Variants in ERBB4 observed in about 807,000 individuals in gnomAD.
The protein encoded by ERBB4 is receptor tyrosine-protein kinase erbB-4.
ERBB4 carries 42 observed loss-of-function variants against 158.0 expected under a neutral mutation model. The ratio of observed to expected loss-of-function variants is 0.27; its 90% confidence interval spans 0.21 to 0.34. The LOEUF (loss-of-function observed/expected upper bound fraction) is 0.34. Among genes scored for constraint, ERBB4 ranks in the 10% least tolerant of loss-of-function variants. The pLI is 1.00. For missense variants in ERBB4, 1,333 were observed against 1,624.1 expected (o/e 0.82, Z 3.08); for synonymous variants, 583 against 558.7 (o/e 1.04, Z -0.61).
At chr2:211,846,021 A>AT (rs1341993093) in intron 3 of ERBB4, among the ~76,000 whole-genome samples, 10 of 149,402 alleles carry the variant, frequency 6.7e-5, no homozygotes, top group African/African-American at 2.0e-4. Flanking sequence ...ATAACTGACA[A>AT]TTTTTTTCAA....
chr2:211,521,382 C>A (rs867914304), intron 20 of ERBB4, among the ~76,000 whole-genome samples: 1 of 152,084 alleles, frequency 6.6e-6, no homozygotes, highest in African/African-American at 2.4e-5. Flanking sequence ...AATAGCAAGG[C>A]CTTAATTCTA....
intron 1 of ERBB4, among the ~76,000 whole-genome samples, chr2:212,485,291 G>T (rs1331879590): frequency 6.6e-6 from 1 of 152,122 alleles, no homozygotes; most frequent in Non-Finnish European, 1.5e-5. Flanking sequence ...CTTTACAAAG[G>T]TAGAGTCAGT....
chr2:211,838,139 T>A (rs1272908554), intron 3 of ERBB4, among the ~76,000 whole-genome samples: 2 of 152,022 alleles, frequency 1.3e-5, no homozygotes, highest in African/African-American at 4.8e-5. Context: ...CACCCTCACT[T>A]GTGTTCGCTT....
At chr2:211,908,122 T>C (rs889010114) in intron 3 of ERBB4, among the ~76,000 whole-genome samples, 4 of 151,626 alleles carry the variant, frequency 2.6e-5, no homozygotes, top group Admixed American at 2.6e-4. Flanking sequence ...AGGGGAGGCA[T>C]TAGAGTTCAC....
chr2:211,845,565 C>T (rs1575236000), intron 3 of ERBB4, among the ~76,000 whole-genome samples: 1 of 152,112 alleles, frequency 6.6e-6, no homozygotes, highest in Non-Finnish European at 1.5e-5. Flanking sequence ...GCCTTGATCA[C>T]AGGTTGCTGG....
intron 1 of ERBB4, among the ~76,000 whole-genome samples, chr2:212,531,159 T>C (rs1428626931): frequency 1.3e-5 from 2 of 152,152 alleles, no homozygotes; most frequent in African/African-American, 4.8e-5. Context: ...GGGGTCCACT[T>C]TCATCTCCAA....
intron 1 of ERBB4, among the ~76,000 whole-genome samples, chr2:212,169,312 C>A (rs1559644506): frequency 2.0e-5 from 3 of 151,874 alleles, no homozygotes. Flanking sequence ...ATAGGAAATC[C>A]ATATAGTATA....
chr2:212,267,599 T>TTTTTTTTC (rs752325967), intron 1 of ERBB4, among the ~76,000 whole-genome samples: 3,946 of 41,676 alleles, frequency 0.095, 63 homozygotes, highest in Non-Finnish European at 0.17. Context: ...TCTCATTTCT[T>TTTTTTTTC]TTTTTTTTTT....
chr2:212,058,311 C>CA (rs923831429), intron 2 of ERBB4, among the ~76,000 whole-genome samples: 3 of 151,994 alleles, frequency 2.0e-5, no homozygotes, highest in East Asian at 1.9e-4. Context: ...GCCTGCCACC[C>CA]AAAAAAAGTC....
intron 1 of ERBB4, among the ~76,000 whole-genome samples, chr2:212,218,126 T>C (rs776889323): frequency 1.3e-5 from 2 of 151,370 alleles, no homozygotes; most frequent in Admixed American, 6.6e-5. Flanking sequence ...AAAGTCTCCA[T>C]TGCTAACGAG....
At chr2:212,408,302 T>C (rs918571248) in intron 1 of ERBB4, among the ~76,000 whole-genome samples, 6 of 152,108 alleles carry the variant, frequency 3.9e-5, no homozygotes, top group African/African-American at 1.4e-4. Context: ...CCATGTGTTC[T>C]CATTGTTCAG....
At chr2:211,875,541 T>A (rs1233428114) in intron 3 of ERBB4, among the ~76,000 whole-genome samples, 1 of 152,190 alleles carries the variant, frequency 6.6e-6, no homozygotes, top group Non-Finnish European at 1.5e-5. Context: ...GGTGGTCTCA[T>A]AAGATTTTAA....
intron 1 of ERBB4, among the ~76,000 whole-genome samples, chr2:212,156,937 G>A (rs2081052152): frequency 6.6e-6 from 1 of 152,070 alleles, no homozygotes; most frequent in African/African-American, 2.4e-5. Context: ...AGAATTACAG[G>A]AATGGACTCC....
At chr2:211,684,637 C>T (rs1156900150) in intron 12 of ERBB4, among the ~76,000 whole-genome samples, 1 of 152,130 alleles carries the variant, frequency 6.6e-6, no homozygotes, top group Non-Finnish European at 1.5e-5. Flanking sequence ...TGCTCTATAG[C>T]TAACTATTTG....
At chr2:212,339,264 TTTG>T (rs2088592184) in intron 1 of ERBB4, among the ~76,000 whole-genome samples, 1 of 152,190 alleles carries the variant, frequency 6.6e-6, no homozygotes, top group Non-Finnish European at 1.5e-5. Context: ...ACATGCAGTG[TTTG>T]GCTTTCTGTT....
intron 3 of ERBB4, among the ~76,000 whole-genome samples, chr2:211,924,041 G>A (rs2079949108): frequency 6.6e-6 from 1 of 151,978 alleles, no homozygotes; most frequent in African/African-American, 2.4e-5. Context: ...ATTTTAAATT[G>A]AATATTGTTC....
chr2:212,022,731 G>T lies in ERBB4; in HGVS notation c.235-75115C>A, dbSNP rs2076683849. Among the ~76,000 whole-genome samples, 3 of 151,944 alleles carry T rather than the reference G, an allele frequency of 2.0e-5. No individual in the cohort carries two copies. The South Asian group carries it at 6.2e-4, about 31-fold the overall frequency. On this transcript the variant is annotated intron_variant, in intron 2 of 27. Coordinates refer to ENST00000342788, the MANE Select transcript of ERBB4 (RefSeq NM_005235.3). Reference sequence around the variant, plus strand: ...ACTATAATCTGAAGGAAAATTAACTGGGTTTGAGTTTTATTTGTATTTTTT... The same window carrying T: ...ACTATAATCTGAAGGAAAATTAACTTGGTTTGAGTTTTATTTGTATTTTTT...
At chr2:212,129,333 G>C (rs1182045456) in intron 1 of ERBB4, among the ~76,000 whole-genome samples, 3 of 151,554 alleles carry the variant, frequency 2.0e-5, no homozygotes, top group Non-Finnish European at 3.0e-5. Flanking sequence ...CAACCTTTGA[G>C]AGATGCATCT....
Position 212,309,682 on chromosome 2 carries a change from A to G in ERBB4, c.83-184779T>C, listed in dbSNP as rs1021575052. Among the ~76,000 whole-genome samples the G allele has an allele frequency of 2.7e-5, 4 of 150,786 alleles. No individual in the cohort carries two copies. In the South Asian group the frequency reaches 8.3e-4, roughly 31 times the overall value. ...ACAATCAAAGACTCTTCAAGTCATT[A>G]GTTACATATGTATTTGCACCTCTCT... On this transcript the variant is annotated intron_variant, in intron 1 of 27. Coordinates refer to ENST00000342788, the MANE Select transcript of ERBB4 (RefSeq NM_005235.3).
Sources: gnomAD v4.1 joint callset for allele counts (sites outside exome capture counted in the v4.1 genomes callset) on GRCh38, gnomAD v4.1.1 for gene constraint, MANE v1.5 for transcripts, NCBI Gene and HGNC (gene_info 2026-07-23, HGNC 2026-07-21) for gene names.